Variants in GTF3C4 observed in about 807,000 individuals in gnomAD.
GTF3C4 encodes the protein general transcription factor 3C polypeptide 4.
In GTF3C4, 28 loss-of-function variants were observed where a neutral mutation model predicts 67.5. The observed-to-expected ratio is 0.41, with a 90% CI of 0.31 to 0.57. GTF3C4 has a LOEUF of 0.57. Among genes scored for constraint, GTF3C4 ranks in the 20% least tolerant of loss-of-function variants. GTF3C4 has a pLI of 0.21. For synonymous variants in GTF3C4, 409 were observed against 393.0 expected, an observed-to-expected ratio of 1.04 and a Z score of -0.48; for missense variants, 831 against 1,033.2, an observed-to-expected ratio of 0.80 and a Z score of 2.68.
Position 132,687,345 on chromosome 9 carries a change from C to G in GTF3C4, c.2404+18C>G. 4.2e-6 allele frequency: 1 copy of G among 240,370 alleles called. No homozygotes were observed. The highest frequency in any genetic ancestry group is 8.3e-6 in the Non-Finnish European group (1 of 120,482). The allele number at this position is 240,370 out of a possible 1,614,324, so 14.9% of individuals were successfully genotyped here. Reference sequence around the variant, plus strand: ...TCCAGAAGGTGAGTGCTTTCCCTTACTTGGGAGGGTGGGTGGGTGGAACAT... The same window carrying G: ...TCCAGAAGGTGAGTGCTTTCCCTTAGTTGGGAGGGTGGGTGGGTGGAACAT... On this transcript the variant is annotated intron_variant, in intron 4 of 4. Transcript: ENST00000372146.
rs1836073432 is a variant in GTF3C4 at position 132,689,046 on chromosome 9, C to T, written c.*101C>T. The stretch of plus-strand genomic sequence containing the variant: ...TGCACTGGAGGAAGCCGGACCCTCA[C>T]GAGTGGAGAGAAGTCCTTGGTGATT... On this transcript the variant is annotated 3_prime_UTR_variant, in exon 5 of 5. Transcript: ENST00000372146. The T allele has an allele frequency of 4.7e-6, 4 of 848,224 alleles. No homozygotes were observed. The highest frequency in any genetic ancestry group is 1.4e-5 in the South Asian group (1 of 72,888). The allele number at this position is 848,224 out of a possible 1,614,324, so 52.5% of individuals were successfully genotyped here.
At position 132,681,239 on chromosome 9, in the gene GTF3C4, A is replaced by G. The variant is rs181495082; in HGVS notation, c.2184+1436A>G. On this transcript the variant is annotated intron_variant, in intron 2 of 4. Transcript: ENST00000372146. Reference sequence around the variant, plus strand: ...AAAAATTAGCAAAAACATGTTAGAAAGTACTAGAGGTTGGATTTGTAATGA... The same window carrying G: ...AAAAATTAGCAAAAACATGTTAGAAGGTACTAGAGGTTGGATTTGTAATGA... Among the ~76,000 whole-genome samples, 542 of 152,320 alleles carry G rather than the reference A, an allele frequency of 3.6e-3. 5 individuals are homozygous for G. Among genetic ancestry groups the G allele is most frequent in the African/African-American group, 0.012 (513 of 41,570 alleles).
intron 2 of GTF3C4, among the ~76,000 whole-genome samples, chr9:132,683,184 A>G (rs1008500950): frequency 1.3e-5 from 2 of 152,250 alleles, no homozygotes; most frequent in African/African-American, 4.8e-5. Flanking sequence ...AAGTCAAAAC[A>G]TTATAAATAA....
At chr9:132,685,601 C>T (rs1455142897) in intron 3 of GTF3C4, among the ~76,000 whole-genome samples, 1 of 151,980 alleles carries the variant, frequency 6.6e-6, no homozygotes, top group Non-Finnish European at 1.5e-5. Context: ...GATCCTCCTG[C>T]CTCAGCCTCC....
chr9:132,678,969 G>C lies in GTF3C4; in HGVS notation c.1350G>C (p.Leu450=). The C allele has an allele frequency of 6.2e-7, 1 of 1,614,214 alleles. No homozygotes were observed. Among genetic ancestry groups the C allele is most frequent in the Non-Finnish European group, 8.5e-7 (1 of 1,180,044 alleles). The change falls in exon 2 of 5, where the codon CTG becomes CTC. Residue 450 remains leucine (L), a synonymous_variant. Transcript: ENST00000372146. This position sits in a 1 kb window ranked among gnomAD's most constrained non-coding sequence, Gnocchi z 6.5. ...CCAGTGACGGAAAGGTGAGGCAGCT[G>C]ATTCCCATTTTCACAGATGTTGCAT... The part of the protein sequence containing the change: ...TCSSDGKVRQ[L]IPIFTDVALK...
intron 3 of GTF3C4, among the ~76,000 whole-genome samples, 153 bp downstream of exon 3, chr9:132,683,846 CT>C (rs1347095125): frequency 7.2e-5 from 11 of 152,218 alleles, no homozygotes; most frequent in South Asian, 2.1e-4. Flanking sequence ...CTGATGTGGA[CT>C]TTTTTCATCA....
At position 132,676,976 on chromosome 9, in the gene GTF3C4, A is replaced by G. The variant is rs76881346; in HGVS notation, c.358-1001A>G. On this transcript the variant is annotated intron_variant, in intron 1 of 4. Coordinates refer to ENST00000372146, the MANE Select transcript of GTF3C4 (RefSeq NM_012204.4). Reference sequence around the variant, plus strand: ...AAGTCCTTCCTTCTTCCTGCTTTCAACATAACAAAACATCTTTTGGCTAGT... The same window carrying G: ...AAGTCCTTCCTTCTTCCTGCTTTCAGCATAACAAAACATCTTTTGGCTAGT... Among the ~76,000 whole-genome samples, 546 of 152,282 alleles carry G rather than the reference A, an allele frequency of 3.6e-3. 5 individuals carry two copies. Among genetic ancestry groups the G allele is most frequent in the African/African-American group, 0.012 (514 of 41,554 alleles).
chr9:132,684,732 A>G (rs1836000009), intron 3 of GTF3C4, among the ~76,000 whole-genome samples: 2 of 152,220 alleles, frequency 1.3e-5, no homozygotes, highest in Admixed American at 1.3e-4. Context: ...CTGTTCCAGC[A>G]GATGTCCACG....
chr9:132,670,886 C>CA lies in GTF3C4; in HGVS notation c.290dup (p.Asn97LysfsTer32). 1 of 1,612,630 alleles carries CA rather than the reference C, an allele frequency of 6.2e-7. No homozygotes were observed. The highest frequency in any genetic ancestry group is 2.2e-5 in the East Asian group (1 of 44,860). On this transcript the variant is annotated frameshift_variant, in exon 1 of 5. Transcript: ENST00000372146. LOFTEE classifies it high-confidence loss of function. The stretch of plus-strand genomic sequence containing the variant: ...TGCTGGAGCTCATCTGCGACGTGCA[C>CA]AACCCGGGCCAGGACCTGGTTATCC...
Position 132,689,076 on chromosome 9 carries a change from AGAGG to A in GTF3C4, c.*133_*136del. ...GGAGAGAAGTCCTTGGTGATTGTAA[AGAGG>A]GCCCCTGGAGCTCATTTCTGAATCG... is the stretch of plus-strand genomic sequence containing the variant. On this transcript the variant is annotated 3_prime_UTR_variant, in exon 5 of 5. Coordinates refer to ENST00000372146, the MANE Select transcript of GTF3C4 (RefSeq NM_012204.4). The A allele has an allele frequency of 1.5e-6, 1 of 688,392 alleles. No individual in the cohort carries two copies. The highest frequency in any genetic ancestry group is 2.6e-6 in the Non-Finnish European group (1 of 385,776). 42.6% of individuals were successfully genotyped at this position (688,392 alleles called of 1,614,324 possible). A position where few individuals can be genotyped will look rare whatever the true frequency, so the allele number is the denominator to read the frequency against.
upstream of GTF3C4, chr9:132,670,305 C>T: frequency 1.3e-6 from 2 of 1,497,596 alleles, no homozygotes; most frequent in South Asian, 2.7e-5. Context: ...ACTTTAGGAA[C>T]TAAAGCCTGT....
intron 1 of GTF3C4, among the ~76,000 whole-genome samples, chr9:132,673,984 T>C (rs755728): frequency 0.054 from 8,270 of 152,316 alleles, 279 homozygotes; most frequent in East Asian, 0.12. Flanking sequence ...AATATTTGTG[T>C]ACCGAATTGT....
At chr9:132,671,381 C>T (rs1835753871) in intron 1 of GTF3C4, among the ~76,000 whole-genome samples, 1 of 152,124 alleles carries the variant, frequency 6.6e-6, no homozygotes, top group South Asian at 2.1e-4. Context: ...CTGGCTTTGT[C>T]TACTGTGTGT....
Position 132,675,895 on chromosome 9 carries a change from C to CTTTTTTTT in GTF3C4, c.358-2068_358-2061dup, listed in dbSNP as rs72145516. Among the ~76,000 whole-genome samples, 52 of 89,020 alleles carry CTTTTTTTT rather than the reference C, an allele frequency of 5.8e-4. 2 individuals carry two copies. The highest frequency in any genetic ancestry group is 8.1e-4 in the African/African-American group (17 of 21,114). The allele number at this position is 89,020 out of a possible 152,430, so 58.4% of individuals were successfully genotyped here. On this transcript the variant is annotated intron_variant, in intron 1 of 4. Coordinates refer to ENST00000372146, the MANE Select transcript of GTF3C4 (RefSeq NM_012204.4). ...ATAAGAATAGACTATTCCAGTTACCCTTTTTTTTTTTTTTTTTTTTTGAGA... is the reference window on the plus strand; with the variant it reads ...ATAAGAATAGACTATTCCAGTTACCCTTTTTTTTTTTTTTTTTTTTTTTTTTTTTGAGA...
chr9:132,674,530 G>A (rs1391440817), intron 1 of GTF3C4, among the ~76,000 whole-genome samples: 1 of 152,172 alleles, frequency 6.6e-6, no homozygotes, highest in Non-Finnish European at 1.5e-5. Context: ...TTCATCCCGT[G>A]CTGCTGCTTT....
Position 132,690,328 on chromosome 9 carries a change from CAGTT to C in GTF3C4, c.*1385_*1388del, listed in dbSNP as rs1284938844. 6.6e-6 allele frequency: 1 copy of C among 152,214 alleles called. No individual in the cohort carries two copies. The highest frequency in any genetic ancestry group is 1.5e-5 in the Non-Finnish European group (1 of 68,096). 9.4% of individuals were successfully genotyped at this position (152,214 alleles called of 1,614,324 possible). On this transcript the variant is annotated 3_prime_UTR_variant, in exon 5 of 5. Transcript: ENST00000372146. The stretch of plus-strand genomic sequence containing the variant: ...GCATGGTGGCGCATGCCTGTAATCT[CAGTT>C]ACTCAGGAGGCTGAGGCAGGAGCAT...
intron 1 of GTF3C4, 34 bp downstream of exon 1, chr9:132,670,989 C>A: frequency 7.0e-7 from 1 of 1,420,486 alleles, no homozygotes; most frequent in Non-Finnish European, 9.9e-7. Context: ...GGGGTCTTCC[C>A]CTGTCCCCCT....
chr9:132,670,068 C>G, upstream of GTF3C4: 1 of 1,562,986 alleles, frequency 6.4e-7, no homozygotes, highest in Non-Finnish European at 8.7e-7. Context: ...GCTGTACGGA[C>G]TCGTCCCGAG....
rs1257726069 is a variant in GTF3C4, at chr9:132,670,687, C to T, written c.89C>T (p.Ala30Val). The T allele has an allele frequency of 7.2e-7, 1 of 1,379,676 alleles. No homozygotes were observed. Among genetic ancestry groups the T allele is most frequent in the Admixed American group, 2.2e-5 (1 of 45,202 alleles). The allele number at this position is 1,379,676 out of a possible 1,614,324, so 85.5% of individuals were successfully genotyped here. ...GAGGAGGGAGAGGGGGGCGGCGAGGCGGGCGGGAAGGAGCCAGCAGCGGAC... is the reference window on the plus strand; with the variant it reads ...GAGGAGGGAGAGGGGGGCGGCGAGGTGGGCGGGAAGGAGCCAGCAGCGGAC... ...GEEEGEGGGE[A>V]GGKEPAADAA... The change falls in exon 1 of 5, where the codon GCG (alanine) becomes GTG (valine). Residue 30 changes from alanine (A) to valine (V), a missense_variant. Transcript: ENST00000372146.
Sources: allele counts gnomAD v4.1 joint callset (sites outside exome capture counted in the v4.1 genomes callset), GRCh38; gene constraint gnomAD v4.1.1; non-coding constraint Gnocchi (gnomAD v3.1); transcripts MANE v1.5; gene names NCBI Gene and HGNC (gene_info 2026-07-23, HGNC 2026-07-21).